GPC6: variants seen among roughly 807,000 people sequenced by gnomAD.
GPC6 encodes the protein glypican 6.
In GPC6, 14 loss-of-function variants were observed where a neutral mutation model predicts 55.2. The observed-to-expected ratio is 0.25, with a 90% CI of 0.17 to 0.40. The LOEUF is 0.40. Among genes scored for constraint, GPC6 ranks in the 10% least tolerant of loss-of-function variants. The pLI is 1.00. For missense variants in GPC6, 641 were observed against 708.5 expected (o/e 0.90, Z 1.08); for synonymous variants, 278 against 259.6 (o/e 1.07, Z -0.68).
intron 1 of GPC6, among the ~76,000 whole-genome samples, chr13:93,455,458 C>T (rs1248406746): frequency 6.6e-6 from 1 of 151,912 alleles, no homozygotes; most frequent in East Asian, 2.0e-4. Flanking sequence ...GCTTTAAAAC[C>T]TGCAGTTTTT....
chr13:93,542,731 G>T (rs1594250614), intron 1 of GPC6, among the ~76,000 whole-genome samples: 1 of 152,048 alleles, frequency 6.6e-6, no homozygotes. Context: ...CCTTGAAGAG[G>T]TCCATCACGT....
chr13:93,797,182 A>T lies in GPC6; in HGVS notation c.320-32972A>T, dbSNP rs9589838. Among the ~76,000 whole-genome samples the T allele has an allele frequency of 8.1e-3, 984 of 121,826 alleles. 16 individuals carry two copies. The highest frequency in any genetic ancestry group is 0.03 in the African/African-American group (944 of 30,984). 79.9% of individuals were successfully genotyped at this position (121,826 alleles called of 152,430 possible). A position where few individuals can be genotyped will look rare whatever the true frequency, so the allele number is the denominator to read the frequency against. ...GAGAGGTAGAAAAATGCAGATTTTT[A>T]TTCCCTTTGCCTAGGGCGGAACCTG... is the stretch of plus-strand genomic sequence containing the variant. On this transcript the variant is annotated intron_variant, in intron 2 of 8. Transcript: ENST00000377047.
At chr13:93,855,095 G>T (rs1408260814) in intron 3 of GPC6, among the ~76,000 whole-genome samples, 1 of 151,494 alleles carries the variant, frequency 6.6e-6, no homozygotes, top group Non-Finnish European at 1.5e-5. Flanking sequence ...TTGTAGGTTT[G>T]GACAAACATC....
chr13:93,613,164 T>C (rs1425888359), intron 2 of GPC6, among the ~76,000 whole-genome samples: 1 of 152,160 alleles, frequency 6.6e-6, no homozygotes, highest in Non-Finnish European at 1.5e-5. Flanking sequence ...GAAAGTTGCA[T>C]TGGCCCCCTC....
chr13:93,612,543 A>ACACACACACACACACAC (rs1566449513), intron 2 of GPC6, among the ~76,000 whole-genome samples: 16 of 148,530 alleles, frequency 1.1e-4, no homozygotes, highest in African/African-American at 1.7e-4. Context: ...ACACACACAC[A>ACACACACACACACACAC]AACTTCATGT....
At chr13:93,824,635 A>G (rs537379739) in intron 2 of GPC6, among the ~76,000 whole-genome samples, 1 of 152,068 alleles carries the variant, frequency 6.6e-6, no homozygotes, top group African/African-American at 2.4e-5. Context: ...GTAGGTACAC[A>G]TGAACTTGGA....
chr13:94,295,980 C>T (rs1342360900), intron 5 of GPC6, among the ~76,000 whole-genome samples: 4 of 151,846 alleles, frequency 2.6e-5, no homozygotes, highest in African/African-American at 2.4e-5. Context: ...CTTGAAACAT[C>T]GTTTATTCTT....
intron 2 of GPC6, among the ~76,000 whole-genome samples, chr13:93,739,970 T>A (rs2138847727): frequency 6.6e-6 from 1 of 152,198 alleles, no homozygotes; most frequent in South Asian, 2.1e-4. Flanking sequence ...GGGTTTTCAT[T>A]GTATGGGGCA....
chr13:93,752,452 A>T (rs2138864484), intron 2 of GPC6, among the ~76,000 whole-genome samples: 1 of 152,160 alleles, frequency 6.6e-6, no homozygotes, highest in Admixed American at 6.5e-5. Context: ...TAAAAAAAAA[A>T]AAGAAAAAAA....
chr13:94,013,011 C>A (rs1442980983), intron 3 of GPC6, among the ~76,000 whole-genome samples: 2 of 152,122 alleles, frequency 1.3e-5, no homozygotes, highest in Non-Finnish European at 2.9e-5. Context: ...ATTGAAAATT[C>A]ACATTTGATT....
chr13:93,761,369 A>C (rs1884949313), intron 2 of GPC6, among the ~76,000 whole-genome samples: 1 of 152,196 alleles, frequency 6.6e-6, no homozygotes. Context: ...AGAAACTAGC[A>C]CATGGAGGCA....
At chr13:94,119,453 G>GCAGTGGGAGGGGC (rs148604474) in intron 4 of GPC6, among the ~76,000 whole-genome samples, 8,120 of 151,952 alleles carry the variant, frequency 0.053, 755 homozygotes, top group African/African-American at 0.19. Flanking sequence ...CGGTGAAGGA[G>GCAGTGGGAGGGGC]CAATAGGGCA....
At chr13:94,382,343 G>T in intron 6 of GPC6, 71 bp from the exon 7 acceptor site, 1 of 1,539,006 alleles carries the variant, frequency 6.5e-7, no homozygotes, top group Non-Finnish European at 9.0e-7. Flanking sequence ...CCTCGCCTGC[G>T]TACGTCCTTG....
chr13:93,231,395 ATG>A lies in GPC6; in HGVS notation c.160+3781_160+3782del, dbSNP rs1555336150. The stretch of plus-strand genomic sequence containing the variant: ...TATATATATACATATATATATATAT[ATG>A]TATATATATATATATATATATATAT... On this transcript the variant is annotated intron_variant, in intron 1 of 8. Transcript: ENST00000377047. Among the ~76,000 whole-genome samples, 201 of 23,594 alleles carry A rather than the reference ATG, an allele frequency of 8.5e-3. 4 individuals carry two copies. The highest frequency in any genetic ancestry group is 0.031 in the Middle Eastern group (1 of 32). The allele number at this position is 23,594 out of a possible 152,430, so 15.5% of individuals were successfully genotyped here. A position where few individuals can be genotyped will look rare whatever the true frequency, so the allele number is the denominator to read the frequency against.
chr13:93,293,605 A>T (rs143258881), intron 1 of GPC6, among the ~76,000 whole-genome samples: 2,324 of 152,246 alleles, frequency 0.015, 24 homozygotes, highest in Non-Finnish European at 0.022. Context: ...TTTCCCCTGG[A>T]TGGGTGATTT....
At chr13:93,473,811 G>A (rs184614937) in intron 1 of GPC6, among the ~76,000 whole-genome samples, 2 of 152,286 alleles carry the variant, frequency 1.3e-5, no homozygotes, top group East Asian at 1.9e-4. Context: ...GCAGCATCAG[G>A]CAAGAGTGGC....
At chr13:93,489,877 T>C (rs1409103300) in intron 1 of GPC6, among the ~76,000 whole-genome samples, 1 of 151,598 alleles carries the variant, frequency 6.6e-6, no homozygotes, top group Non-Finnish European at 1.5e-5. Context: ...GCTGAGATGA[T>C]GGGGTTTTCT....
At chr13:93,442,677 T>G (rs1036115877) in intron 1 of GPC6, among the ~76,000 whole-genome samples, 3 of 152,192 alleles carry the variant, frequency 2.0e-5, no homozygotes, top group South Asian at 2.1e-4. Context: ...CCCAAACATA[T>G]TATAAACAAG....
At chr13:93,819,163 C>G in intron 2 of GPC6, among the ~76,000 whole-genome samples, 1 of 152,146 alleles carries the variant, frequency 6.6e-6, no homozygotes, top group East Asian at 1.9e-4. Context: ...TTTGACTGTT[C>G]CTCTTTAGTC....
Sources: gnomAD v4.1 joint callset for allele counts (sites outside exome capture counted in the v4.1 genomes callset) on GRCh38, gnomAD v4.1.1 for gene constraint, MANE v1.5 for transcripts, NCBI Gene and HGNC (gene_info 2026-07-23, HGNC 2026-07-21) for gene names.